PTP4A1: variants seen among roughly 807,000 people sequenced by gnomAD.
The protein encoded by PTP4A1 is protein tyrosine phosphatase type IVA 1.
Under a neutral mutation model 20.5 loss-of-function variants are expected in PTP4A1, and 9 were observed. That is an observed-to-expected ratio of 0.44 (90% CI 0.26 to 0.77). The LOEUF (loss-of-function observed/expected upper bound fraction) is 0.77, where lower values mean the gene tolerates loss of function less well. PTP4A1 is among the 30% of genes least tolerant of loss of function. The pLI is 0.19. For synonymous variants in PTP4A1, 78 were observed against 67.4 expected (o/e 1.16, Z -0.77); for missense variants, 137 against 218.8 (o/e 0.63, Z 2.36).
At chr6:63,519,997 T>A (rs1774864315), upstream of PTP4A1, among the ~76,000 whole-genome samples, 1 of 152,236 alleles carries the variant, frequency 6.6e-6, no homozygotes, top group Admixed American at 6.5e-5. Context: ...GTAGACTGAT[T>A]TAATGTATCA....
intron 5 of PTP4A1, among the ~76,000 whole-genome samples, chr6:63,579,656 T>C (rs1443026438): frequency 6.6e-6 from 1 of 152,196 alleles, no homozygotes; most frequent in Non-Finnish European, 1.5e-5. Context: ...AGGAGACCAG[T>C]TGACAATAAC....
chr6:63,527,916 A>C (rs1581909424), exon 2 of PTP4A1: 1 of 152,210 alleles, frequency 6.6e-6, no homozygotes. Flanking sequence ...CAAGCCTAAC[A>C]ATCAGGTCAG....
At chr6:63,532,571 A>C (rs911953541) in intron 2 of PTP4A1, among the ~76,000 whole-genome samples, 3 of 151,462 alleles carry the variant, frequency 2.0e-5, no homozygotes, top group Non-Finnish European at 2.9e-5. Context: ...TAAATCCACA[A>C]AAAAAAAATC....
At chr6:63,540,071 C>T (rs1197895) in intron 2 of PTP4A1, among the ~76,000 whole-genome samples, 2,262 of 152,216 alleles carry the variant, frequency 0.015, 46 homozygotes, top group African/African-American at 0.051. Flanking sequence ...TAGCTATGCA[C>T]CATGCCCCTG....
At chr6:63,535,791 A>G (rs1396270619) in intron 2 of PTP4A1, among the ~76,000 whole-genome samples, 1 of 152,142 alleles carries the variant, frequency 6.6e-6, no homozygotes, top group East Asian at 1.9e-4. Flanking sequence ...CAATAGCTAT[A>G]TTTAGGCTGG....
At chr6:63,547,419 A>G (rs969266446) in intron 2 of PTP4A1, among the ~76,000 whole-genome samples, 1 of 149,106 alleles carries the variant, frequency 6.7e-6, no homozygotes, top group Non-Finnish European at 1.5e-5. Context: ...TGAACTCCTG[A>G]CCTCAAGTGA....
intron 3 of PTP4A1, among the ~76,000 whole-genome samples, chr6:63,551,211 G>C (rs1467379361): frequency 6.6e-6 from 1 of 151,856 alleles, no homozygotes; most frequent in Non-Finnish European, 1.5e-5. Flanking sequence ...GACTACAGGG[G>C]CGCGCCACCA....
intron 2 of PTP4A1, among the ~76,000 whole-genome samples, chr6:63,541,347 G>A (rs1276817181): frequency 6.6e-6 from 1 of 152,038 alleles, no homozygotes; most frequent in Non-Finnish European, 1.5e-5. Context: ...GAGGTCAGGA[G>A]TTCAAGAGCA....
intron 1 of PTP4A1, among the ~76,000 whole-genome samples, chr6:63,574,913 C>T (rs925167601): frequency 2.6e-5 from 4 of 152,164 alleles, no homozygotes; most frequent in African/African-American, 9.7e-5. Context: ...TTTAACCCAG[C>T]TGACCAACTA....
At chr6:63,525,328 A>T (rs1362750103) in intron 1 of PTP4A1, among the ~76,000 whole-genome samples, 1 of 152,130 alleles carries the variant, frequency 6.6e-6, no homozygotes, top group Non-Finnish European at 1.5e-5. Flanking sequence ...CATTTTTGCC[A>T]CCTGGCTTCC....
intron 2 of PTP4A1, among the ~76,000 whole-genome samples, chr6:63,541,022 GAAGA>G (rs1318338015): frequency 1.6e-5 from 2 of 121,476 alleles, no homozygotes; most frequent in African/African-American, 3.4e-5. Flanking sequence ...AGGAGGGAAT[GAAGA>G]AAGGAAGGAA....
intron 2 of PTP4A1, among the ~76,000 whole-genome samples, chr6:63,544,655 C>T (rs1349772054): frequency 6.6e-6 from 1 of 152,072 alleles, no homozygotes; most frequent in Non-Finnish European, 1.5e-5. Flanking sequence ...ATGACCTTGA[C>T]GTTTCTGATT....
intron 4 of PTP4A1, 75 bp downstream of exon 4, chr6:63,579,103 A>G: frequency 7.0e-7 from 1 of 1,419,782 alleles, no homozygotes; most frequent in Non-Finnish European, 9.3e-7. Flanking sequence ...AAAAATTCTT[A>G]TAATTTTTTA....
At chr6:63,554,869 G>T (rs1403402103) in intron 3 of PTP4A1, among the ~76,000 whole-genome samples, 1 of 152,138 alleles carries the variant, frequency 6.6e-6, no homozygotes, top group Non-Finnish European at 1.5e-5. Flanking sequence ...TCTTATTTAT[G>T]TTTGTATATC....
At position 63,549,042 on chromosome 6, in the gene PTP4A1, A is replaced by C. The variant is rs1479949291; in HGVS notation, c.-639-1258A>C. The C allele has an allele frequency of 5.5e-6, 4 of 725,198 alleles. No homozygotes were observed. The African/African-American group carries it at 6.9e-5, about 12-fold the overall frequency. 44.9% of individuals were successfully genotyped at this position (725,198 alleles called of 1,614,324 possible). A position where few individuals can be genotyped will look rare whatever the true frequency, so the allele number is the denominator to read the frequency against. On this transcript the variant is annotated intron_variant, in intron 2 of 3. Coordinates refer to the PTP4A1 transcript ENST00000639568. ...GATGGGATCCACGTCGTGTGCAATC[A>C]CCACCGGCTGAGCTTTCTTATTCTC...
At chr6:63,520,882 A>G (rs1288598329), upstream of PTP4A1, among the ~76,000 whole-genome samples, 1 of 152,124 alleles carries the variant, frequency 6.6e-6, no homozygotes, top group African/African-American at 2.4e-5. Context: ...GTTTATATAC[A>G]CCATGGAATA....
At chr6:63,527,278 T>A (rs950459967) in intron 1 of PTP4A1, among the ~76,000 whole-genome samples, 2 of 152,212 alleles carry the variant, frequency 1.3e-5, no homozygotes, top group African/African-American at 4.8e-5. Flanking sequence ...CTTGTGTCTA[T>A]GTTCAATCTT....
chr6:63,579,131 G>T lies in PTP4A1; in HGVS notation c.329+103G>T, dbSNP rs1284247681. 2.9e-6 allele frequency: 4 copies of T among 1,384,206 alleles called. No individual in the cohort carries two copies. In the African/African-American group the frequency reaches 4.5e-5, roughly 15 times the overall value. The allele number at this position is 1,384,206 out of a possible 1,614,324, so 85.7% of individuals were successfully genotyped here. ...ATTTTTTAATATAAAGTCAACATTT[G>T]TCATAGGTATTACTTAAATAGGAAG... is the stretch of plus-strand genomic sequence containing the variant. On this transcript the variant is annotated intron_variant, in intron 4 of 5. Coordinates refer to ENST00000626021, the MANE Select transcript of PTP4A1 (RefSeq NM_003463.5).
At chr6:63,579,536 AATT>A (rs763866647) in intron 5 of PTP4A1, among the ~76,000 whole-genome samples, 1 of 152,142 alleles carries the variant, frequency 6.6e-6, no homozygotes, top group East Asian at 1.9e-4. Flanking sequence ...AGAGTTTTTG[AATT>A]ATTGTTTTGC....
Sources: gnomAD v4.1 joint callset for allele counts (sites outside exome capture counted in the v4.1 genomes callset) on GRCh38, gnomAD v4.1.1 for gene constraint, MANE v1.5 for transcripts, NCBI Gene and HGNC (gene_info 2026-07-23, HGNC 2026-07-21) for gene names.